KIRREL3: variants seen among roughly 807,000 people sequenced by gnomAD.
The protein encoded by KIRREL3 is kirre like nephrin family adhesion molecule 3, also known as kin of IRRE-like protein 3.
A neutral mutation model predicts 89.7 loss-of-function variants in KIRREL3; 36 were observed. That is an observed-to-expected ratio of 0.40 (90% CI 0.31 to 0.53). The LOEUF (loss-of-function observed/expected upper bound fraction) is 0.53, where lower values mean the gene tolerates loss of function less well. KIRREL3 is among the 20% of genes least tolerant of loss of function. The pLI is 0.49. For missense variants in KIRREL3, 864 were observed against 1,056.6 expected (o/e 0.82, Z 2.53); for synonymous variants, 445 against 441.4 (o/e 1.01, Z -0.10).
chr11:126,685,062 G>A lies in KIRREL3; in HGVS notation c.56-122150C>T, dbSNP rs1039617252. ...ACACATTCCTGTAGATGCTGGAGTG[G>A]AAAGGCAGGTTGGAGGAAATACAAA... On this transcript the variant is annotated intron_variant, in intron 1 of 16. Transcript: ENST00000525144. This position sits in a 1 kb window ranked among gnomAD's most constrained non-coding sequence, Gnocchi z 5.5. 6.6e-6 allele frequency among the ~76,000 whole-genome samples: 1 copy of A among 152,144 alleles called. No homozygotes were observed. Among genetic ancestry groups the A allele is most frequent in the Non-Finnish European group, 1.5e-5 (1 of 68,028 alleles).
rs1349928872 is a variant in KIRREL3 at position 126,655,799 on chromosome 11, C to T, written c.56-92887G>A. ...GGCAACAGCATGATAAAAATTCTGT[C>T]CACTCTACCAAAATGGGAGAAGCAA... is the stretch of plus-strand genomic sequence containing the variant. On this transcript the variant is annotated intron_variant, in intron 1 of 16. Transcript: ENST00000525144. The surrounding 1 kb of genome is among the most constrained non-coding windows in gnomAD (Gnocchi z 5.0). 6.6e-6 allele frequency among the ~76,000 whole-genome samples: 1 copy of T among 152,208 alleles called. No individual in the cohort carries two copies. The highest frequency in any genetic ancestry group is 1.5e-5 in the Non-Finnish European group (1 of 68,048).
rs1269176706 is a variant in KIRREL3, at chr11:126,811,940, T to C, written c.55+188515A>G. Among the ~76,000 whole-genome samples, 2 of 152,144 alleles carry C rather than the reference T, an allele frequency of 1.3e-5. No individual in the cohort carries two copies. Among genetic ancestry groups the C allele is most frequent in the Non-Finnish European group, 2.9e-5 (2 of 68,014 alleles). ...CAAGCCCTCAAACATTAATTTACAG[T>C]CAAGAGACAATCTCTGAATTCAGCC... On this transcript the variant is annotated intron_variant, in intron 1 of 16. Coordinates refer to ENST00000525144, the MANE Select transcript of KIRREL3 (RefSeq NM_032531.4). The surrounding 1 kb of genome is among the most constrained non-coding windows in gnomAD (Gnocchi z 4.3).
intron 1 of KIRREL3, among the ~76,000 whole-genome samples, chr11:126,737,570 G>A (rs866107981): frequency 6.6e-6 from 1 of 152,160 alleles, no homozygotes; most frequent in African/African-American, 2.4e-5. Context: ...CTGCTGGTAC[G>A]ACGATGGCAG....
In KIRREL3 at chr11:126,696,365, A is replaced by T. The variant is rs1185793300; in HGVS notation, c.56-133453T>A. Among the ~76,000 whole-genome samples the T allele has an allele frequency of 6.6e-6, 1 of 151,218 alleles. No individual in the cohort carries two copies. Among genetic ancestry groups the T allele is most frequent in the Admixed American group, 6.6e-5 (1 of 15,176 alleles). Reference sequence around the variant, plus strand: ...CCTCCTTGGTTGCCTTGTGTGGTTGATGGTGACATCATCCATCCAATTTCT... The same window carrying T: ...CCTCCTTGGTTGCCTTGTGTGGTTGTTGGTGACATCATCCATCCAATTTCT... On this transcript the variant is annotated intron_variant, in intron 1 of 16. Transcript: ENST00000525144. The surrounding 1 kb of genome is among the most constrained non-coding windows in gnomAD (Gnocchi z 4.4).
chr11:126,558,880 A>T lies in KIRREL3; in HGVS notation c.133+3955T>A, dbSNP rs752134137. Among the ~76,000 whole-genome samples, 2 of 150,758 alleles carry T rather than the reference A, an allele frequency of 1.3e-5. No homozygotes were observed. Among genetic ancestry groups the T allele is most frequent in the African/African-American group, 4.9e-5 (2 of 40,916 alleles). On this transcript the variant is annotated intron_variant, in intron 2 of 16. Transcript: ENST00000525144. This position sits in a 1 kb window ranked among gnomAD's most constrained non-coding sequence, Gnocchi z 4.0. Reference sequence around the variant, plus strand: ...TACATGTGTGCAGGTGTGTGCATGCATGTGTGCATGTATACATATGCATGC... The same window carrying T: ...TACATGTGTGCAGGTGTGTGCATGCTTGTGTGCATGTATACATATGCATGC...
At position 126,568,959 on chromosome 11, in the gene KIRREL3, G is replaced by A. The variant is rs1319569860; in HGVS notation, c.56-6047C>T. ...CACGTAGCCAACAGTGACATGGACT[G>A]GAAATGTGAGGCCAGTCAGGAAGAC... On this transcript the variant is annotated intron_variant, in intron 1 of 16. Coordinates refer to ENST00000525144, the MANE Select transcript of KIRREL3 (RefSeq NM_032531.4). The surrounding 1 kb of genome is among the most constrained non-coding windows in gnomAD (Gnocchi z 4.6). Among the ~76,000 whole-genome samples, 1 of 152,078 alleles carries A rather than the reference G, an allele frequency of 6.6e-6. No homozygotes were observed. Among genetic ancestry groups the A allele is most frequent in the Non-Finnish European group, 1.5e-5 (1 of 68,026 alleles).
At chr11:126,649,850 C>A (rs1052232263) in intron 1 of KIRREL3, among the ~76,000 whole-genome samples, 1 of 152,236 alleles carries the variant, frequency 6.6e-6, no homozygotes, top group African/African-American at 2.4e-5. Context: ...AGGGCTCTGA[C>A]CCCACATTTC....
At chr11:126,700,884 T>C (rs1261168410) in intron 1 of KIRREL3, among the ~76,000 whole-genome samples, 1 of 152,226 alleles carries the variant, frequency 6.6e-6, no homozygotes, top group African/African-American at 2.4e-5. Flanking sequence ...CTCAGTTCCT[T>C]TAAACCCAGC....
rs536694349 is a variant in KIRREL3, at chr11:126,986,098, G to A, written c.55+14357C>T. 3.9e-5 allele frequency among the ~76,000 whole-genome samples: 6 copies of A among 152,196 alleles called. No homozygotes were observed. In the East Asian group the frequency reaches 9.7e-4, roughly 25 times the overall value. ...TCAGCCACCTGGGGATGCACACAGG[G>A]TGTACACGGCATCCACTGTGGGATG... On this transcript the variant is annotated intron_variant, in intron 1 of 16. Coordinates refer to ENST00000525144, the MANE Select transcript of KIRREL3 (RefSeq NM_032531.4).
intron 1 of KIRREL3, among the ~76,000 whole-genome samples, chr11:126,621,931 A>G (rs1320533314): frequency 6.6e-6 from 1 of 152,136 alleles, no homozygotes; most frequent in Non-Finnish European, 1.5e-5. Flanking sequence ...TAACATGGAT[A>G]AAAAAATGCT....
intron 1 of KIRREL3, among the ~76,000 whole-genome samples, chr11:126,786,525 A>G (rs1950492560): frequency 6.6e-6 from 1 of 152,260 alleles, no homozygotes; most frequent in Non-Finnish European, 1.5e-5. Context: ...TAACCTTCAT[A>G]AAAATTAATA....
rs79135768 is a variant in KIRREL3 at position 126,879,777 on chromosome 11, A to G, written c.55+120678T>C. 2.6e-3 allele frequency among the ~76,000 whole-genome samples: 397 copies of G among 152,310 alleles called. No individual in the cohort carries two copies. Among genetic ancestry groups the G allele is most frequent in the Admixed American group, 6.1e-3 (93 of 15,294 alleles). On this transcript the variant is annotated intron_variant, in intron 1 of 16. Transcript: ENST00000525144. This position sits in a 1 kb window ranked among gnomAD's most constrained non-coding sequence, Gnocchi z 5.4. ...CCAAGAGACCACTTAGAGGAATGGT[A>G]AAGGACATCTCAAGGAGCTCAACTG...
rs1056366197 is a variant in KIRREL3 at position 126,953,105 on chromosome 11, T to C, written c.55+47350A>G. On this transcript the variant is annotated intron_variant, in intron 1 of 16. Transcript: ENST00000525144. The surrounding 1 kb of genome is among the most constrained non-coding windows in gnomAD (Gnocchi z 5.2). Reference sequence around the variant, plus strand: ...ATCCAAATGCCCATCAGTGATAGACTGAATAAAGAAAATGTGGCACATATA... The same window carrying C: ...ATCCAAATGCCCATCAGTGATAGACCGAATAAAGAAAATGTGGCACATATA... 3.3e-5 allele frequency among the ~76,000 whole-genome samples: 5 copies of C among 152,128 alleles called. No individual in the cohort carries two copies. Among genetic ancestry groups the C allele is most frequent in the African/African-American group, 1.2e-4 (5 of 41,402 alleles).
rs942867677 is a variant in KIRREL3 at position 126,459,354 on chromosome 11, G to T, written c.743-2900C>A. Among the ~76,000 whole-genome samples, 12 of 152,152 alleles carry T rather than the reference G, an allele frequency of 7.9e-5. No homozygotes were observed. Among genetic ancestry groups the T allele is most frequent in the Non-Finnish European group, 2.9e-5 (2 of 68,034 alleles). ...CGCCCCTGCCATGATCAGCTCACTC[G>T]TAAGGCTGCTCTCCTGCACTTTCCC... On this transcript the variant is annotated intron_variant, in intron 6 of 16. Coordinates refer to ENST00000525144, the MANE Select transcript of KIRREL3 (RefSeq NM_032531.4). The surrounding 1 kb of genome is among the most constrained non-coding windows in gnomAD (Gnocchi z 4.8).
rs145065539 is a variant in KIRREL3 at position 126,897,010 on chromosome 11, C to G, written c.55+103445G>C. Among the ~76,000 whole-genome samples, 195 of 152,090 alleles carry G rather than the reference C, an allele frequency of 1.3e-3. No homozygotes were observed. Among genetic ancestry groups the G allele is most frequent in the African/African-American group, 4.4e-3 (183 of 41,466 alleles). ...AGAGGCCAGGGAAAGAGCAGACCAT[C>G]CAAGTACCAAAAATCCCTAGTAGGC... On this transcript the variant is annotated intron_variant, in intron 1 of 16. Transcript: ENST00000525144. This position sits in a 1 kb window ranked among gnomAD's most constrained non-coding sequence, Gnocchi z 4.2.
chr11:126,716,113 T>G (rs11220588), intron 1 of KIRREL3, among the ~76,000 whole-genome samples: 136,162 of 151,530 alleles, frequency 0.9, 61,232 homozygotes, highest in East Asian at 1. Context: ...GAGAGAGTGA[T>G]AGGGAGACAG....
chr11:126,635,055 G>A lies in KIRREL3; in HGVS notation c.56-72143C>T, dbSNP rs1044969134. 3.9e-5 allele frequency among the ~76,000 whole-genome samples: 6 copies of A among 152,216 alleles called. No individual in the cohort carries two copies. The highest frequency in any genetic ancestry group is 9.7e-5 in the African/African-American group (4 of 41,450). On this transcript the variant is annotated intron_variant, in intron 1 of 16. Transcript: ENST00000525144. The surrounding 1 kb of genome is among the most constrained non-coding windows in gnomAD (Gnocchi z 4.0). ...CCCCTAAACTTCTCCTCGATCAGGA[G>A]TAATATAGTCTGAGAATGAGCACAA...
At position 126,736,823 on chromosome 11, in the gene KIRREL3, A is replaced by C. The variant is rs1948815929; in HGVS notation, c.56-173911T>G. The stretch of plus-strand genomic sequence containing the variant: ...CCATGGACAAAGGCTGCTGGGAATC[A>C]CCATACATCCCCCACAGTCCTCCCC... On this transcript the variant is annotated intron_variant, in intron 1 of 16. Transcript: ENST00000525144. This position sits in a 1 kb window ranked among gnomAD's most constrained non-coding sequence, Gnocchi z 5.0. 6.6e-6 allele frequency among the ~76,000 whole-genome samples: 1 copy of C among 152,170 alleles called. No homozygotes were observed. Among genetic ancestry groups the C allele is most frequent in the East Asian group, 1.9e-4 (1 of 5,184 alleles).
In KIRREL3 at chr11:126,867,782, C is replaced by T. The variant is rs1944972385; in HGVS notation, c.55+132673G>A. Among the ~76,000 whole-genome samples the T allele has an allele frequency of 6.6e-6, 1 of 152,070 alleles. No individual in the cohort carries two copies. Among genetic ancestry groups the T allele is most frequent in the South Asian group, 2.1e-4 (1 of 4,816 alleles). ...TGCCTTTTTTATGAGCCTTTAACCACAATTTTTACTGCCGCTCAGTCCAGT... is the reference window on the plus strand; with the variant it reads ...TGCCTTTTTTATGAGCCTTTAACCATAATTTTTACTGCCGCTCAGTCCAGT... On this transcript the variant is annotated intron_variant, in intron 1 of 16. Coordinates refer to ENST00000525144, the MANE Select transcript of KIRREL3 (RefSeq NM_032531.4). This position sits in a 1 kb window ranked among gnomAD's most constrained non-coding sequence, Gnocchi z 4.7.
Sources: allele counts gnomAD v4.1 joint callset (sites outside exome capture counted in the v4.1 genomes callset), GRCh38; gene constraint gnomAD v4.1.1; non-coding constraint Gnocchi (gnomAD v3.1); transcripts MANE v1.5; gene names NCBI Gene and HGNC (gene_info 2026-07-23, HGNC 2026-07-21).